SMARCA4: variants seen among roughly 807,000 people sequenced by gnomAD.
SMARCA4 encodes SWI/SNF-related matrix-associated actin-dependent regulator of chromatin subfamily A member 4.
SMARCA4 carries 31 observed loss-of-function variants against 193.9 expected under a neutral mutation model. The ratio of observed to expected loss-of-function variants is 0.16; its 90% CI spans 0.12 to 0.22. The LOEUF (loss-of-function observed/expected upper bound fraction) is 0.22, where lower values mean the gene tolerates loss of function less well. SMARCA4 is among the 10% of genes least tolerant of loss of function. SMARCA4 has a pLI of 1.00. For synonymous variants in SMARCA4, 942 were observed against 933.1 expected, an observed-to-expected ratio of 1.01 and a Z score of -0.17; for missense variants, 1,148 against 2,296.0, an observed-to-expected ratio of 0.50 and a Z score of 10.22.
intron 1 of SMARCA4, among the ~76,000 whole-genome samples, chr19:10,964,619 CT>C (rs1439109300): frequency 8.4e-4 from 116 of 137,488 alleles, no homozygotes; most frequent in African/African-American, 1.5e-3. Context: ...CGCCCGGCCT[CT>C]TTTTTTTTTT....
At position 10,986,057 on chromosome 19, in the gene SMARCA4, CT is replaced by C. The variant is rs2085998309; in HGVS notation, c.356-131del. ...TTCAGCATGTGCCCTCCAGGTGCCC[CT>C]GGTTGACTCAAGAGAAGGATGCCAT... On this transcript the variant is annotated intron_variant, in intron 3 of 34. Transcript: ENST00000344626. This position sits in a 1 kb window ranked among gnomAD's most constrained non-coding sequence, Gnocchi z 6.7. The C allele has an allele frequency of 7.5e-6, 6 of 803,188 alleles. No homozygotes were observed. Among genetic ancestry groups the C allele is most frequent in the African/African-American group, 1.7e-5 (1 of 59,708 alleles). The allele number at this position is 803,188 out of a possible 1,614,324, so 49.8% of individuals were successfully genotyped here.
intron 13 of SMARCA4, among the ~76,000 whole-genome samples, chr19:11,004,845 CT>C (rs35249801): frequency 0.28 from 40,601 of 142,914 alleles, 5,313 homozygotes; most frequent in South Asian, 0.36. Flanking sequence ...TTTATAGTGC[CT>C]TTTTTTTTTT....
intron 1 of SMARCA4, among the ~76,000 whole-genome samples, chr19:10,972,343 G>A (rs2084740273): frequency 6.6e-6 from 1 of 151,692 alleles, no homozygotes; most frequent in African/African-American, 2.4e-5. Flanking sequence ...TGATCCACCT[G>A]CCTCGGCCTC....
At chr19:11,022,444 G>A (rs904782835) in intron 19 of SMARCA4, among the ~76,000 whole-genome samples, 2 of 152,218 alleles carry the variant, frequency 1.3e-5, no homozygotes, top group African/African-American at 4.8e-5. Context: ...GTGTCTCAAT[G>A]TCTGGGTGGC....
Position 10,986,456 on chromosome 19 carries a change from G to A in SMARCA4, c.623G>A (p.Arg208Gln), listed in dbSNP as rs769756381. Residue 208 changes from arginine (R) to glutamine (Q), a missense_variant, in exon 4 of 35, where the codon CGG becomes CAG. Arg to Gln is a conservative substitution (Grantham distance 43, BLOSUM62 1). Transcript: ENST00000344626. The surrounding 1 kb of genome is among the most constrained non-coding windows in gnomAD (Gnocchi z 6.7). ...DHLQMAVQGK[R>Q]PMPGMQQQMP... ...CTGCAGATGGCGGTGCAGGGCAAGC[G>A]GCCGATGCCCGGGATGCAGCAGCAG... The A allele has an allele frequency of 3.8e-6, 6 of 1,560,502 alleles. No individual in the cohort carries two copies. Among genetic ancestry groups the A allele is most frequent in the Non-Finnish European group, 5.2e-6 (6 of 1,153,170 alleles).
At chr19:10,981,881 G>A (rs538727845) in intron 1 of SMARCA4, among the ~76,000 whole-genome samples, 4 of 152,166 alleles carry the variant, frequency 2.6e-5, no homozygotes, top group South Asian at 4.1e-4. Flanking sequence ...CCAGCTACTC[G>A]GGAGGCTGAG....
rs2145797001 is a variant in SMARCA4, at chr19:10,986,959, T to C, written c.815T>C (p.Met272Thr). 6.2e-7 allele frequency: 1 copy of C among 1,610,182 alleles called. No individual in the cohort carries two copies. The highest frequency in any genetic ancestry group is 8.5e-7 in the Non-Finnish European group (1 of 1,179,920). ...GGACCCTCGGGCGTGCCCCCCGGGA[T>C]GCCAGGCCAGCCTCCTGGAGGGCCT... ...PPGPSGVPPG[M>T]PGQPPGGPPK... The change falls in exon 5 of 35, where the codon ATG becomes ACG. Residue 272 changes from methionine (M) to threonine (T), a missense_variant. By Grantham distance (81) the Met-to-Thr change is moderately conservative. This residue lies in a region of SMARCA4 where 257 missense variants were observed against 276.5 expected (regional missense o/e 0.93). Transcript: ENST00000344626. This position sits in a 1 kb window ranked among gnomAD's most constrained non-coding sequence, Gnocchi z 6.7.
rs531206320 is a variant in SMARCA4 at position 11,033,186 on chromosome 19, G to A, written c.3547-104G>A. 1.1e-5 allele frequency: 10 copies of A among 888,016 alleles called. No individual in the cohort carries two copies. Among genetic ancestry groups the A allele is most frequent in the East Asian group, 7.4e-5 (3 of 40,444 alleles). The allele number at this position is 888,016 out of a possible 1,614,324, so 55.0% of individuals were successfully genotyped here. A position where few individuals can be genotyped will look rare whatever the true frequency, so the allele number is the denominator to read the frequency against. ...TCAGGCTGGGCAGAATTGTCAGGCC[G>A]AGGGTGGCACGCACAGCACACCTCT... On this transcript the variant is annotated intron_variant, in intron 25 of 34. Coordinates refer to ENST00000344626, the MANE Select transcript of SMARCA4 (RefSeq NM_003072.5). The surrounding 1 kb of genome is among the most constrained non-coding windows in gnomAD (Gnocchi z 9.8).
intron 6 of SMARCA4, 115 bp downstream of exon 6, chr19:10,988,039 C>T (rs2086221224): frequency 2.8e-6 from 3 of 1,083,202 alleles, no homozygotes; most frequent in East Asian, 2.5e-5. Flanking sequence ...CCCACCACTG[C>T]CACTTGGCCT....
intron 32 of SMARCA4, 199 bp downstream of exon 32, chr19:11,059,088 A>C (rs2076710206): frequency 1.7e-6 from 1 of 587,490 alleles, no homozygotes. Flanking sequence ...CAGCCTGGGC[A>C]ACATAACAAG....
intron 16 of SMARCA4, among the ~76,000 whole-genome samples, chr19:11,017,143 T>G (rs987674982): frequency 7.2e-5 from 11 of 152,368 alleles, no homozygotes; most frequent in African/African-American, 2.6e-4. Context: ...TACCACTGTC[T>G]GCGGCTCTGA....
At position 11,041,295 on chromosome 19, in the gene SMARCA4, T is replaced by C; in HGVS notation, c.4171-12T>C. 1 of 1,603,972 alleles carries C rather than the reference T, an allele frequency of 6.2e-7. No individual in the cohort carries two copies. ...TGCTGGCTGTCCTATTTTACTACTA[T>C]TGACCCTGAAGGCCATCGAGGAGGG... On this transcript the variant is annotated splice_polypyrimidine_tract_variant and intron_variant, in intron 29 of 34. Coordinates refer to ENST00000344626, the MANE Select transcript of SMARCA4 (RefSeq NM_003072.5). The surrounding 1 kb of genome is among the most constrained non-coding windows in gnomAD (Gnocchi z 5.6).
chr19:11,037,604 G>A (rs1027305501), intron 29 of SMARCA4, among the ~76,000 whole-genome samples: 7 of 152,084 alleles, frequency 4.6e-5, no homozygotes, highest in South Asian at 4.2e-4. Context: ...TTTCGCTTCC[G>A]TGATATCCGT....
chr19:10,970,850 A>G (rs964550271), intron 1 of SMARCA4, among the ~76,000 whole-genome samples: 3 of 152,212 alleles, frequency 2.0e-5, no homozygotes, highest in Non-Finnish European at 4.4e-5. Context: ...AGTATAGTAG[A>G]AGAAAACTGG....
chr19:11,010,408 A>G lies in SMARCA4; in HGVS notation c.2151A>G (p.Glu717=). ...IENAKQDVDD[E]YGVSQALARG... Reference sequence around the variant, plus strand: ...ATGCCAAGCAAGATGTCGATGATGAATATGGCGTGTCCCAGGCCCTTGCAC... The same window carrying G: ...ATGCCAAGCAAGATGTCGATGATGAGTATGGCGTGTCCCAGGCCCTTGCAC... Residue 717 remains glutamate (E), a synonymous_variant, in exon 15 of 35, where the codon GAA becomes GAG. Transcript: ENST00000344626. 6.2e-7 allele frequency: 1 copy of G among 1,614,170 alleles called. No homozygotes were observed. Among genetic ancestry groups the G allele is most frequent in the Non-Finnish European group, 8.5e-7 (1 of 1,180,030 alleles).
rs2145749994 is a variant in SMARCA4 at position 10,985,319 on chromosome 19, A to G, written c.269A>G (p.Tyr90Cys). The G allele has an allele frequency of 6.2e-7, 1 of 1,613,956 alleles. No individual in the cohort carries two copies. The highest frequency in any genetic ancestry group is 8.5e-7 in the Non-Finnish European group (1 of 1,179,984). Residue 90 changes from tyrosine to cysteine, a missense_variant, in exon 3 of 35, where the codon TAC becomes TGC. Physicochemically the swap from Tyr to Cys is radical, Grantham distance 194 (BLOSUM62 -2). Around this residue, in one of 17 missense-constraint regions of SMARCA4, gnomAD observed 201 missense variants for 248.3 expected, o/e 0.81. Coordinates refer to ENST00000344626, the MANE Select transcript of SMARCA4 (RefSeq NM_003072.5). The surrounding 1 kb of genome is among the most constrained non-coding windows in gnomAD (Gnocchi z 4.5). ...HEKGMSDDPR[Y>C]NQMKGMGMRS... ...AAGGGCATGTCGGACGACCCGCGCT[A>G]CAACCAGATGAAAGGAATGGGGATG... is the stretch of plus-strand genomic sequence containing the variant.
intron 22 of SMARCA4, 64 bp from the exon 23 acceptor site, chr19:11,026,236 G>T (rs1568495075): frequency 7.7e-7 from 1 of 1,294,066 alleles, no homozygotes; most frequent in East Asian, 2.3e-5. Context: ...GGTGTGTGCG[G>T]ACCGCAGCGG....
Position 11,033,001 on chromosome 19 carries a change from A to C in SMARCA4, c.3547-289A>C, listed in dbSNP as rs2075033120. On this transcript the variant is annotated intron_variant, in intron 25 of 34. Coordinates refer to ENST00000344626, the MANE Select transcript of SMARCA4 (RefSeq NM_003072.5). This position sits in a 1 kb window ranked among gnomAD's most constrained non-coding sequence, Gnocchi z 9.8. ...CCGCTGCCACGGGAGCTGCTTGAGA[A>C]TATAATCCCCTGGGGGGTTGGTGCT... The C allele has an allele frequency of 1.9e-6, 1 of 513,328 alleles. No homozygotes were observed. 31.8% of individuals were successfully genotyped at this position (513,328 alleles called of 1,614,324 possible).
rs763204654 is a variant in SMARCA4 at position 11,041,283 on chromosome 19, A to G, written c.4171-24A>G. The G allele has an allele frequency of 3.8e-6, 6 of 1,591,770 alleles. No individual in the cohort carries two copies. The highest frequency in any genetic ancestry group is 2.7e-5 in the African/African-American group (2 of 74,548). ...TGTCGACCTGGGTGCTGGCTGTCCT[A>G]TTTTACTACTATTGACCCTGAAGGC... On this transcript the variant is annotated intron_variant, in intron 29 of 34. Transcript: ENST00000344626. This position sits in a 1 kb window ranked among gnomAD's most constrained non-coding sequence, Gnocchi z 5.6.
Sources: allele counts gnomAD v4.1 joint callset (sites outside exome capture counted in the v4.1 genomes callset), GRCh38; gene constraint gnomAD v4.1.1; regional missense constraint gnomAD v4.1.1; non-coding constraint Gnocchi (gnomAD v3.1); transcripts MANE v1.5; gene names NCBI Gene and HGNC (gene_info 2026-07-23, HGNC 2026-07-21).